Variants in FER observed in about 807,000 individuals in gnomAD.
FER encodes FER tyrosine kinase.
A neutral mutation model predicts 111.0 loss-of-function variants in FER; 63 were observed. The observed-to-expected ratio is 0.57, with a 90% CI of 0.46 to 0.70. FER has a LOEUF of 0.70. FER is among the 30% of genes least tolerant of loss of function. The probability of loss-of-function intolerance (pLI) is 0.00; values close to 1 mark genes in which losing one functional copy is unlikely to be tolerated. For missense variants in FER, 914 were observed against 954.0 expected, an observed-to-expected ratio of 0.96 and a Z score of 0.55; for synonymous variants, 327 against 313.9, an observed-to-expected ratio of 1.04 and a Z score of -0.44.
chr5:108,931,611 C>T (rs1451994383), intron 10 of FER, among the ~76,000 whole-genome samples: 1 of 152,072 alleles, frequency 6.6e-6, no homozygotes, highest in Non-Finnish European at 1.5e-5. Context: ...ATAGTGCATG[C>T]CTGAAGTCAG....
At chr5:108,752,390 A>G (rs565305433) in intron 1 of FER, among the ~76,000 whole-genome samples, 3 of 152,196 alleles carry the variant, frequency 2.0e-5, no homozygotes, top group South Asian at 2.1e-4. Context: ...CACTCTACCA[A>G]TTATTGAGAT....
chr5:108,836,122 G>C (rs1454288504), intron 5 of FER, among the ~76,000 whole-genome samples: 1 of 151,922 alleles, frequency 6.6e-6, no homozygotes, highest in African/African-American at 2.4e-5. Context: ...GCTTAAGTAA[G>C]AAAAATAGGA....
At chr5:109,008,047 C>T (rs1177604556) in intron 13 of FER, among the ~76,000 whole-genome samples, 2 of 152,142 alleles carry the variant, frequency 1.3e-5, no homozygotes, top group African/African-American at 4.8e-5. Flanking sequence ...AGCATCATTT[C>T]ATGTGGTTAT....
intron 16 of FER, chr5:109,052,240 G>C: frequency 1.9e-6 from 3 of 1,607,128 alleles, no homozygotes; most frequent in Non-Finnish European, 2.6e-6. Context: ...GCGCACATGA[G>C]AGATTGGGAA....
chr5:108,801,682 A>G (rs1005567350), intron 3 of FER, among the ~76,000 whole-genome samples: 3 of 152,162 alleles, frequency 2.0e-5, no homozygotes, highest in East Asian at 1.9e-4. Flanking sequence ...TCACAGTTGC[A>G]TGGATAGAAG....
chr5:108,767,669 A>T (rs1338033964), intron 1 of FER, among the ~76,000 whole-genome samples: 3 of 152,078 alleles, frequency 2.0e-5, no homozygotes, highest in South Asian at 4.1e-4. Context: ...ACTTATAGAG[A>T]CTAGGTTTCA....
chr5:109,086,641 A>G (rs1165202103), intron 16 of FER, among the ~76,000 whole-genome samples: 1 of 151,686 alleles, frequency 6.6e-6, no homozygotes, highest in Non-Finnish European at 1.5e-5. Flanking sequence ...CTTTTCTGAC[A>G]TAAGCATTGA....
At chr5:109,145,997 T>C (rs1381288331) in intron 17 of FER, among the ~76,000 whole-genome samples, 5 of 151,084 alleles carry the variant, frequency 3.3e-5, no homozygotes, top group Non-Finnish European at 7.4e-5. Context: ...GTGATTTACA[T>C]CTTATGGTAT....
rs115997604 is a variant in FER, at chr5:108,790,981, C to G, written c.-59-7143C>G. On this transcript the variant is annotated intron_variant, in intron 2 of 19. Transcript: ENST00000281092. The stretch of plus-strand genomic sequence containing the variant: ...CATGTTGTAGCCTGTATCAATACTT[C>G]CTTTTCATTGCCAAATTATATTCCA... 5.8e-3 allele frequency among the ~76,000 whole-genome samples: 878 copies of G among 152,272 alleles called. 12 individuals carry two copies. Among genetic ancestry groups the G allele is most frequent in the African/African-American group, 0.02 (844 of 41,542 alleles).
intron 1 of FER, among the ~76,000 whole-genome samples, chr5:108,750,628 G>A (rs1207232729): frequency 6.6e-6 from 1 of 152,202 alleles, no homozygotes; most frequent in Non-Finnish European, 1.5e-5. Flanking sequence ...TGCTTCAAAG[G>A]TTGATGTCTT....
intron 16 of FER, among the ~76,000 whole-genome samples, chr5:109,094,948 A>T (rs1747304879): frequency 6.6e-6 from 1 of 152,208 alleles, no homozygotes; most frequent in Non-Finnish European, 1.5e-5. Context: ...CGCAGTTTGC[A>T]TCATGTCTGG....
chr5:109,037,281 G>T, intron 13 of FER, 141 bp from the exon 14 acceptor site: 1 of 619,660 alleles, frequency 1.6e-6, no homozygotes, highest in South Asian at 2.2e-5. Flanking sequence ...CAGCATCTTG[G>T]GGTTATAACT....
At chr5:108,773,461 C>G (rs903135680) in intron 2 of FER, among the ~76,000 whole-genome samples, 1 of 152,136 alleles carries the variant, frequency 6.6e-6, no homozygotes, top group African/African-American at 2.4e-5. Context: ...GTTTTCTGTT[C>G]CTACGTTACT....
chr5:108,943,023 A>G (rs1310722093), intron 10 of FER, among the ~76,000 whole-genome samples: 10 of 152,150 alleles, frequency 6.6e-5, no homozygotes, highest in Admixed American at 5.2e-4. Context: ...GTTTATTTAC[A>G]TAAGTCTGTG....
intron 16 of FER, among the ~76,000 whole-genome samples, chr5:109,076,469 G>A (rs984012890): frequency 5.3e-5 from 8 of 151,970 alleles, no homozygotes; most frequent in Non-Finnish European, 7.4e-5. Context: ...TTGCTCTGTC[G>A]CCAGGCTTGG....
chr5:108,959,490 C>A, intron 13 of FER, 143 bp downstream of exon 13: 1 of 670,176 alleles, frequency 1.5e-6, no homozygotes, highest in Non-Finnish European at 2.3e-6. Flanking sequence ...GCTTTTATTA[C>A]TAATGCAATT....
chr5:108,819,971 C>T, intron 3 of FER: 1 of 984,658 alleles, frequency 1.0e-6, no homozygotes, highest in Non-Finnish European at 1.2e-6. Context: ...CTGATGGGGC[C>T]AATGAAGGAT....
At chr5:108,863,921 G>T (rs1443218810) in intron 5 of FER, among the ~76,000 whole-genome samples, 1 of 151,908 alleles carries the variant, frequency 6.6e-6, no homozygotes, top group African/African-American at 2.4e-5. Flanking sequence ...CTTTCTTTCT[G>T]ATTTTCTTCA....
At chr5:109,151,051 G>C (rs1754783784) in intron 17 of FER, among the ~76,000 whole-genome samples, 1 of 152,008 alleles carries the variant, frequency 6.6e-6, no homozygotes, top group South Asian at 2.1e-4. Flanking sequence ...TTTTCCCTTT[G>C]AAAGTAGAAA....
Sources: allele counts gnomAD v4.1 joint callset (sites outside exome capture counted in the v4.1 genomes callset), GRCh38; gene constraint gnomAD v4.1.1; transcripts MANE v1.5; gene names NCBI Gene and HGNC (gene_info 2026-07-23, HGNC 2026-07-21).